Variants in HPSE2 observed in about 807,000 individuals in gnomAD.
The protein encoded by HPSE2 is inactive heparanase-2.
HPSE2 carries 38 observed loss-of-function variants against 60.5 expected under a neutral mutation model. The ratio of observed to expected loss-of-function variants is 0.63; its 90% confidence interval spans 0.48 to 0.82. HPSE2 has a LOEUF of 0.82. Among genes scored for constraint, HPSE2 ranks in the 40% least tolerant of loss-of-function variants. The pLI is 0.00. For synonymous variants in HPSE2, 295 were observed against 293.2 expected (o/e 1.01, Z -0.06); for missense variants, 713 against 740.4 (o/e 0.96, Z 0.43).
chr10:98,921,876 A>G (rs1482809891), intron 3 of HPSE2, among the ~76,000 whole-genome samples: 6 of 152,186 alleles, frequency 3.9e-5, no homozygotes, highest in Non-Finnish European at 8.8e-5. Context: ...GTTAGTAACT[A>G]TAAATAAGTA....
At chr10:99,003,022 C>T (rs561185672) in intron 3 of HPSE2, among the ~76,000 whole-genome samples, 2 of 152,158 alleles carry the variant, frequency 1.3e-5, no homozygotes, top group East Asian at 3.9e-4. Flanking sequence ...TCTTCCCATC[C>T]TCCCTATCCC....
chr10:99,307,266 G>A, the HPSE2 span, among the ~76,000 whole-genome samples: 1 of 152,118 alleles, frequency 6.6e-6, no homozygotes, highest in Non-Finnish European at 1.5e-5. Flanking sequence ...ATGGCCCTGG[G>A]TCATATGTCT....
At chr10:98,917,424 A>C (rs1326135816) in intron 3 of HPSE2, among the ~76,000 whole-genome samples, 1 of 152,222 alleles carries the variant, frequency 6.6e-6, no homozygotes, top group Admixed American at 6.5e-5. Flanking sequence ...TTATATAAGC[A>C]ATCATCACGT....
chr10:99,015,961 T>C (rs879065931), intron 3 of HPSE2, among the ~76,000 whole-genome samples: 2 of 152,182 alleles, frequency 1.3e-5, no homozygotes, highest in Admixed American at 1.3e-4. Flanking sequence ...GGATGCATAG[T>C]TTGCAAAAAT....
intron 9 of HPSE2, among the ~76,000 whole-genome samples, chr10:98,545,013 A>C (rs1488434419): frequency 2.6e-5 from 4 of 152,146 alleles, no homozygotes. Flanking sequence ...CCATCAGAGA[A>C]TACTATAAAC....
At chr10:98,757,852 T>C (rs1949913313) in intron 3 of HPSE2, among the ~76,000 whole-genome samples, 1 of 152,130 alleles carries the variant, frequency 6.6e-6, no homozygotes. Flanking sequence ...TTAAAATTCA[T>C]ATGGAACAAG....
intron 9 of HPSE2, among the ~76,000 whole-genome samples, chr10:98,607,250 T>G (rs1368659013): frequency 6.6e-6 from 1 of 151,608 alleles, no homozygotes; most frequent in South Asian, 2.1e-4. Flanking sequence ...GCAAATCATG[T>G]TCCTAAACTC....
chr10:98,657,861 A>G (rs952332147), intron 6 of HPSE2, among the ~76,000 whole-genome samples: 2 of 152,170 alleles, frequency 1.3e-5, no homozygotes, highest in African/African-American at 4.8e-5. Context: ...TGACCATCTT[A>G]AGTGGCACCA....
chr10:99,198,520 T>A (rs2133878608), intron 2 of HPSE2, among the ~76,000 whole-genome samples: 1 of 152,194 alleles, frequency 6.6e-6, no homozygotes, highest in African/African-American at 2.4e-5. Context: ...TACAACTGAG[T>A]TATGATACCA....
At chr10:99,276,329 T>C in the HPSE2 span, among the ~76,000 whole-genome samples, 1 of 152,222 alleles carries the variant, frequency 6.6e-6, no homozygotes, top group Non-Finnish European at 1.5e-5. Flanking sequence ...TAAATGTCTT[T>C]ATTTCATTAG....
At chr10:98,461,812 T>C (rs770022414) in intron 11 of HPSE2, 2 of 1,595,746 alleles carry the variant, frequency 1.3e-6, no homozygotes, top group East Asian at 2.2e-5. Context: ...TATTGACATC[T>C]TTGGGTTCTG....
intron 3 of HPSE2, among the ~76,000 whole-genome samples, chr10:99,067,407 T>C (rs1842650614): frequency 6.6e-6 from 1 of 152,214 alleles, no homozygotes; most frequent in South Asian, 2.1e-4. Flanking sequence ...AGGTTCTCCA[T>C]GACGGTTCCA....
chr10:98,708,790 A>T (rs1220827775), intron 5 of HPSE2, among the ~76,000 whole-genome samples: 1 of 152,222 alleles, frequency 6.6e-6, no homozygotes, highest in African/African-American at 2.4e-5. Flanking sequence ...TTTTAGAAAG[A>T]CCTCATCTAA....
chr10:98,688,483 T>C (rs1186751699), intron 6 of HPSE2, among the ~76,000 whole-genome samples: 3 of 138,102 alleles, frequency 2.2e-5, no homozygotes, highest in African/African-American at 8.1e-5. Context: ...TTTTCTTTTT[T>C]TTTTTTTTTT....
At chr10:99,298,274 C>T in the HPSE2 span, among the ~76,000 whole-genome samples, 2 of 152,236 alleles carry the variant, frequency 1.3e-5, no homozygotes, top group African/African-American at 4.8e-5. Flanking sequence ...GGCTTAACAG[C>T]CACCTAACTG....
At chr10:98,782,941 GTTTTTT>G (rs576508491) in intron 3 of HPSE2, among the ~76,000 whole-genome samples, 2 of 116,104 alleles carry the variant, frequency 1.7e-5, no homozygotes, top group Non-Finnish European at 3.5e-5. Flanking sequence ...TTTTTTTAAT[GTTTTTT>G]TTTTTATTAT....
intron 3 of HPSE2, among the ~76,000 whole-genome samples, chr10:98,791,970 T>C (rs1950664403): frequency 6.6e-6 from 1 of 152,200 alleles, no homozygotes; most frequent in South Asian, 2.1e-4. Flanking sequence ...CCGTTCTCAA[T>C]AGTTTCCATG....
intron 3 of HPSE2, among the ~76,000 whole-genome samples, chr10:98,850,942 A>C (rs1952159301): frequency 6.6e-6 from 1 of 152,212 alleles, no homozygotes; most frequent in Non-Finnish European, 1.5e-5. Flanking sequence ...TGGAAGAAAT[A>C]GATGTGTAAT....
chr10:99,264,834 T>G, the HPSE2 span, among the ~76,000 whole-genome samples: 1 of 151,854 alleles, frequency 6.6e-6, no homozygotes, highest in Non-Finnish European at 1.5e-5. Flanking sequence ...AAATCTTTCC[T>G]CAGTTTAATC....
Sources: gnomAD v4.1 joint callset for allele counts (sites outside exome capture counted in the v4.1 genomes callset) on GRCh38, gnomAD v4.1.1 for gene constraint, MANE v1.5 for transcripts, NCBI Gene and HGNC (gene_info 2026-07-23, HGNC 2026-07-21) for gene names.